The following SLC22A14 variants were observed in gnomAD, a reference collection of about 807,000 sequenced individuals.
SLC22A14 encodes the protein solute carrier family 22 member 14, also known as organic cation transporter-like 4.
In SLC22A14, 50 loss-of-function variants were observed where a neutral mutation model predicts 53.9. That is an observed-to-expected ratio of 0.93 (90% CI 0.74 to 1.17). The LOEUF (loss-of-function observed/expected upper bound fraction) is 1.17. SLC22A14 is among the 50% of genes most tolerant of loss of function. The pLI is 0.00. For synonymous variants in SLC22A14, 312 were observed against 303.0 expected (o/e 1.03, Z -0.31); for missense variants, 671 against 734.7 (o/e 0.91, Z 1.00).
At chr3:38,300,630 A>T (rs115395196) in intron 1 of SLC22A14, among the ~76,000 whole-genome samples, 193 of 152,308 alleles carry the variant, frequency 1.3e-3, no homozygotes, top group African/African-American at 4.6e-3. Flanking sequence ...ACATGTGTGA[A>T]GTCTTTCTGC....
At chr3:38,302,610 CTG>C (rs1227645707) in intron 1 of SLC22A14, among the ~76,000 whole-genome samples, 14 of 152,124 alleles carry the variant, frequency 9.2e-5, no homozygotes, top group African/African-American at 3.4e-4. Context: ...TAAGCCGAGA[CTG>C]TGCCACTGCA....
At position 38,306,409 on chromosome 3, in the gene SLC22A14, T is replaced by C. The variant is rs758070931; in HGVS notation, c.383T>C (p.Phe128Ser). The C allele has an allele frequency of 6.2e-6, 10 of 1,614,228 alleles. No individual in the cohort carries two copies. Among genetic ancestry groups the C allele is most frequent in the Non-Finnish European group, 8.5e-6 (10 of 1,180,048 alleles). Residue 128 changes from phenylalanine to serine, a missense_variant, in exon 2 of 11, where the codon TTC (phenylalanine) becomes TCC (serine). Phe to Ser is a radical substitution (Grantham distance 155). Transcript: ENST00000448498. ...LTIPQAPNGS[F>S]LTCFMYLPVP... The stretch of plus-strand genomic sequence containing the variant: ...ATACCCCAAGCACCCAATGGCAGTT[T>C]CCTGACATGCTTCATGTACCTTCCT...
intron 4 of SLC22A14, among the ~76,000 whole-genome samples, chr3:38,308,367 C>A (rs1245393919): frequency 1.3e-5 from 2 of 152,232 alleles, no homozygotes; most frequent in Non-Finnish European, 2.9e-5. Context: ...TATTCTATTA[C>A]TCCTTCAGCT....
chr3:38,316,631 C>T (rs1480985542), intron 10 of SLC22A14, 107 bp downstream of exon 10: 8 of 1,009,802 alleles, frequency 7.9e-6, no homozygotes, highest in Non-Finnish European at 1.2e-5. Context: ...TGCCGGAGAG[C>T]CTGTGACTCG....
chr3:38,313,695 T>TGTGCGC, intron 7 of SLC22A14, 32 bp from the exon 8 acceptor site: 3 of 1,339,470 alleles, frequency 2.2e-6, no homozygotes, highest in Non-Finnish European at 3.1e-6. Context: ...TGCGCGCGTG[T>TGTGCGC]GCACGCGCAC....
intron 1 of SLC22A14, among the ~76,000 whole-genome samples, chr3:38,298,915 T>C (rs1704101573): frequency 1.3e-5 from 2 of 152,168 alleles, no homozygotes; most frequent in South Asian, 4.1e-4. Flanking sequence ...TTATCTACAA[T>C]ATAGTTACTT....
At position 38,318,344 on chromosome 3, in the gene SLC22A14, G is replaced by A; in HGVS notation, c.*95G>A. 2 of 1,220,244 alleles carry A rather than the reference G, an allele frequency of 1.6e-6. No individual in the cohort carries two copies. The highest frequency in any genetic ancestry group is 2.4e-6 in the Non-Finnish European group (2 of 823,316). The allele number at this position is 1,220,244 out of a possible 1,614,324, so 75.6% of individuals were successfully genotyped here. On this transcript the variant is annotated 3_prime_UTR_variant, in exon 11 of 11. Coordinates refer to ENST00000448498, the MANE Select transcript of SLC22A14 (RefSeq NM_001320033.2). Reference sequence around the variant, plus strand: ...TGCCTTGAAGCAATTCAATAAAGAGGAAGCAAACAGCCAGGCTCCCTGAGG... The same window carrying A: ...TGCCTTGAAGCAATTCAATAAAGAGAAAGCAAACAGCCAGGCTCCCTGAGG...
At chr3:38,310,954 T>C (rs527635063) in intron 5 of SLC22A14, among the ~76,000 whole-genome samples, 1 of 152,284 alleles carries the variant, frequency 6.6e-6, no homozygotes, top group Non-Finnish European at 1.5e-5. Flanking sequence ...GTGGCACATA[T>C]TAACTCTCCT....
intron 5 of SLC22A14, among the ~76,000 whole-genome samples, chr3:38,310,458 T>G (rs1704437661): frequency 6.6e-6 from 1 of 152,164 alleles, no homozygotes; most frequent in South Asian, 2.1e-4. Context: ...TCGCTCAGGA[T>G]AGTGGCCAAG....
At position 38,315,546 on chromosome 3, in the gene SLC22A14, C is replaced by A; in HGVS notation, c.1379-12C>A. The stretch of plus-strand genomic sequence containing the variant: ...GGAGGGCTGATGAGTGGAACTCCTT[C>A]ACCCACCCCAGGGGAGGATGGCCTC... On this transcript the variant is annotated splice_polypyrimidine_tract_variant and intron_variant, in intron 8 of 10. Transcript: ENST00000448498. 6.2e-7 allele frequency: 1 copy of A among 1,611,456 alleles called. No homozygotes were observed.
chr3:38,285,138 T>A (rs1382482127), intron 1 of SLC22A14, among the ~76,000 whole-genome samples: 1 of 152,164 alleles, frequency 6.6e-6, no homozygotes, highest in Admixed American at 6.5e-5. Flanking sequence ...AATGTGAAGA[T>A]GAGTTTTGGC....
At chr3:38,315,056 T>C (rs1445038943) in intron 8 of SLC22A14, among the ~76,000 whole-genome samples, 1 of 152,222 alleles carries the variant, frequency 6.6e-6, no homozygotes, top group African/African-American at 2.4e-5. Flanking sequence ...TTCCCCTTCA[T>C]TGTGCCTGTC....
chr3:38,285,446 T>G (rs898065468), intron 1 of SLC22A14, among the ~76,000 whole-genome samples: 1 of 152,220 alleles, frequency 6.6e-6, no homozygotes, highest in Non-Finnish European at 1.5e-5. Context: ...GATGGTTTCC[T>G]GAATTTCATC....
intron 1 of SLC22A14, among the ~76,000 whole-genome samples, chr3:38,287,433 T>G (rs1703817195): frequency 6.6e-6 from 1 of 152,194 alleles, no homozygotes; most frequent in African/African-American, 2.4e-5. Context: ...TCTTGAAATT[T>G]AAGGCCTTAA....
At chr3:38,309,165 G>A (rs1480011730) in intron 5 of SLC22A14, 43 bp downstream of exon 5, 2 of 1,550,512 alleles carry the variant, frequency 1.3e-6, no homozygotes, top group Admixed American at 3.4e-5. Flanking sequence ...TGGGTCTGAT[G>A]GGCTGGATGT....
At chr3:38,288,169 A>G (rs1039867882) in intron 1 of SLC22A14, among the ~76,000 whole-genome samples, 11 of 152,222 alleles carry the variant, frequency 7.2e-5, no homozygotes, top group African/African-American at 2.4e-4. Context: ...TAGGTACCTC[A>G]TATAAGTGTA....
At chr3:38,288,172 T>G (rs951161416) in intron 1 of SLC22A14, among the ~76,000 whole-genome samples, 1 of 152,232 alleles carries the variant, frequency 6.6e-6, no homozygotes, top group African/African-American at 2.4e-5. Context: ...GTACCTCATA[T>G]AAGTGTAATC....
intron 5 of SLC22A14, among the ~76,000 whole-genome samples, chr3:38,311,961 G>A (rs949830187): frequency 6.6e-6 from 1 of 152,166 alleles, no homozygotes; most frequent in African/African-American, 2.4e-5. Context: ...AGAAGTCTCA[G>A]TTTAATGGCT....
chr3:38,291,066 G>A (rs962198764), intron 1 of SLC22A14, among the ~76,000 whole-genome samples: 3 of 152,194 alleles, frequency 2.0e-5, no homozygotes, highest in African/African-American at 7.2e-5. Flanking sequence ...TACTTAGAGT[G>A]TGTATATATA....
Sources: gnomAD v4.1 joint callset for allele counts (sites outside exome capture counted in the v4.1 genomes callset) on GRCh38, gnomAD v4.1.1 for gene constraint, MANE v1.5 for transcripts, NCBI Gene and HGNC (gene_info 2026-07-23, HGNC 2026-07-21) for gene names.